DDX25: variants seen among roughly 807,000 people sequenced by gnomAD.
DDX25 encodes the protein ATP-dependent RNA helicase DDX25.
A neutral mutation model predicts 64.6 loss-of-function variants in DDX25; 70 were observed. The ratio of observed to expected loss-of-function variants is 1.08; its 90% CI spans 0.89 to 1.32. The LOEUF (loss-of-function observed/expected upper bound fraction) is 1.32, where lower values mean the gene tolerates loss of function less well. DDX25 is among the 40% of genes most tolerant of loss of function. The probability of loss-of-function intolerance (pLI) is 0.00; values close to 1 mark genes in which losing one functional copy is unlikely to be tolerated. For synonymous variants in DDX25, 211 were observed against 213.3 expected, an observed-to-expected ratio of 0.99 and a Z score of 0.09; for missense variants, 587 against 604.4, an observed-to-expected ratio of 0.97 and a Z score of 0.30.
At position 125,927,577 on chromosome 11, in the gene DDX25, C is replaced by T. The variant is rs1945179070; in HGVS notation, c.*4696C>T. On this transcript the variant is annotated 3_prime_UTR_variant, in exon 12 of 12. Coordinates refer to ENST00000263576, the MANE Select transcript of DDX25 (RefSeq NM_013264.5). ...TAATTTTCATAAATGAGGATGGTCT[C>T]CTATTTTGAGCTTAACATTTTTCTA... 1 of 152,142 alleles carries T rather than the reference C, an allele frequency of 6.6e-6. No individual in the cohort carries two copies. Among genetic ancestry groups the T allele is most frequent in the South Asian group, 2.1e-4 (1 of 4,824 alleles). 9.4% of individuals were successfully genotyped at this position (152,142 alleles called of 1,614,324 possible).
chr11:125,915,700 CTCATGTTTTCT>C (rs1475383602), intron 8 of DDX25, among the ~76,000 whole-genome samples: 1 of 152,212 alleles, frequency 6.6e-6, no homozygotes, highest in Non-Finnish European at 1.5e-5. Flanking sequence ...CAGAGTTTTC[CTCATGTTTTCT>C]AACATATGTC....
chr11:125,903,894 A>C (rs1412702119), upstream of DDX25, among the ~76,000 whole-genome samples: 1 of 152,250 alleles, frequency 6.6e-6, no homozygotes, highest in Non-Finnish European at 1.5e-5. Flanking sequence ...AATGTTTTTA[A>C]CAAGAGACCA....
intron 1 of DDX25, 23 bp downstream of exon 1, chr11:125,904,603 G>T: frequency 6.9e-7 from 1 of 1,450,500 alleles, no homozygotes; most frequent in Non-Finnish European, 9.1e-7. Flanking sequence ...GAGCCGGGGG[G>T]CCACAGCCGC....
At position 125,905,602 on chromosome 11, in the gene DDX25, G is replaced by GT; in HGVS notation, c.175+5_175+6insT. The GT allele has an allele frequency of 6.4e-7, 1 of 1,551,142 alleles. No homozygotes were observed. The highest frequency in any genetic ancestry group is 1.4e-5 in the African/African-American group (1 of 73,152). On this transcript the variant is annotated splice_donor_region_variant and intron_variant, in intron 3 of 11. Coordinates refer to ENST00000263576, the MANE Select transcript of DDX25 (RefSeq NM_013264.5). Reference sequence around the variant, plus strand: ...AAGATGATGAAGAAGATGTAGGTAGGAGATGAATTCATTTGCATGTATCTA... The same window carrying GT: ...AAGATGATGAAGAAGATGTAGGTAGGTAGATGAATTCATTTGCATGTATCTA...
At chr11:125,920,624 TG>T (rs1359831582) in intron 10 of DDX25, among the ~76,000 whole-genome samples, 1 of 152,046 alleles carries the variant, frequency 6.6e-6, no homozygotes, top group Non-Finnish European at 1.5e-5. Flanking sequence ...ATTTGGGCAG[TG>T]GGTTTTGAAC....
At chr11:125,914,096 T>A (rs1945003268) in intron 8 of DDX25, among the ~76,000 whole-genome samples, 1 of 152,214 alleles carries the variant, frequency 6.6e-6, no homozygotes. Flanking sequence ...TATTTAAAAA[T>A]TTTTTCTGTT....
Position 125,916,995 on chromosome 11 carries a change from C to T in DDX25, c.801-19C>T, listed in dbSNP as rs907875162. The T allele has an allele frequency of 4.5e-6, 7 of 1,567,996 alleles. No individual in the cohort carries two copies. Among genetic ancestry groups the T allele is most frequent in the Non-Finnish European group, 5.2e-6 (6 of 1,154,656 alleles). ...GATGGGATGGCAGCTTGGTGACAGC[C>T]TTCTCTCCTCTATCACAGAGCTCTA... On this transcript the variant is annotated intron_variant, in intron 8 of 11. Transcript: ENST00000263576.
chr11:125,914,127 A>G (rs1421324016), intron 8 of DDX25, among the ~76,000 whole-genome samples: 4 of 152,108 alleles, frequency 2.6e-5, no homozygotes, highest in Non-Finnish European at 5.9e-5. Context: ...GAATTATCCA[A>G]GTTTCCTTTT....
rs1944848912 is a variant in DDX25, at chr11:125,904,551, G to A, written c.34G>A (p.Ala12Thr). 1 of 1,498,882 alleles carries A rather than the reference G, an allele frequency of 6.7e-7. No homozygotes were observed. The highest frequency in any genetic ancestry group is 8.9e-7 in the Non-Finnish European group (1 of 1,124,232). The allele number at this position is 1,498,882 out of a possible 1,614,324, so 92.8% of individuals were successfully genotyped here. A position where few individuals can be genotyped will look rare whatever the true frequency, so the allele number is the denominator to read the frequency against. ...ASLLWGGDAG[A>T]AESERLNSHF... is the part of the protein sequence containing the mutation. Reference sequence around the variant, plus strand: ...GTTACTGTGGGGAGGCGACGCAGGGGCGGCGGAGAGCGAGCGGCTGAACAG... The same window carrying A: ...GTTACTGTGGGGAGGCGACGCAGGGACGGCGGAGAGCGAGCGGCTGAACAG... The change falls in exon 1 of 12, where the codon GCG (alanine) becomes ACG (threonine). Residue 12 changes from alanine to threonine, a missense_variant. Coordinates refer to ENST00000263576, the MANE Select transcript of DDX25 (RefSeq NM_013264.5).
At chr11:125,907,607 C>CA (rs35864915) in intron 4 of DDX25, among the ~76,000 whole-genome samples, 25,238 of 145,128 alleles carry the variant, frequency 0.17, 2,537 homozygotes, top group Admixed American at 0.27. Flanking sequence ...GACTCCGTCT[C>CA]AAAAAAAAAA....
At chr11:125,913,368 A>G (rs1267384951) in intron 8 of DDX25, among the ~76,000 whole-genome samples, 1 of 152,096 alleles carries the variant, frequency 6.6e-6, no homozygotes, top group Non-Finnish European at 1.5e-5. Context: ...TGCCTTCCTG[A>G]AAAACAATAT....
chr11:125,904,999 C>T (rs1386122283), intron 1 of DDX25, among the ~76,000 whole-genome samples: 1 of 152,166 alleles, frequency 6.6e-6, no homozygotes, highest in Non-Finnish European at 1.5e-5. Context: ...GAAAGAGAAA[C>T]TGCATGTACA....
At chr11:125,909,670 A>G (rs1434612199) in intron 6 of DDX25, among the ~76,000 whole-genome samples, 2 of 148,434 alleles carry the variant, frequency 1.3e-5, no homozygotes, top group African/African-American at 5.0e-5. Context: ...TTTTTTTGAC[A>G]TGGAGTCTCA....
At chr11:125,918,554 A>C in intron 9 of DDX25, 74 bp from the exon 10 acceptor site, 44 of 1,473,256 alleles carry the variant, frequency 3.0e-5, no homozygotes, top group East Asian at 5.0e-5. Context: ...CCCTGCATGC[A>C]TGGTGTCACA....
Position 125,925,148 on chromosome 11 carries a change from G to A in DDX25, c.*2267G>A, listed in dbSNP as rs1164485916. ...TCTCTTACTATTCGAGAATCGAGTT[G>A]GACCTTCCACCGTGCTCAGCTCCGC... On this transcript the variant is annotated 3_prime_UTR_variant, in exon 12 of 12. Coordinates refer to ENST00000263576, the MANE Select transcript of DDX25 (RefSeq NM_013264.5). The A allele has an allele frequency of 3.9e-6, 1 of 255,040 alleles. No individual in the cohort carries two copies. 15.8% of individuals were successfully genotyped at this position (255,040 alleles called of 1,614,324 possible). A position where few individuals can be genotyped will look rare whatever the true frequency, so the allele number is the denominator to read the frequency against.
chr11:125,916,895 G>T, intron 8 of DDX25, 119 bp from the exon 9 acceptor site: 1 of 942,994 alleles, frequency 1.1e-6, no homozygotes, highest in Non-Finnish European at 1.6e-6. Context: ...GCTGGTCATT[G>T]CAGGCAGCAC....
intron 6 of DDX25, 73 bp from the exon 7 acceptor site, chr11:125,910,291 T>G: frequency 2.3e-6 from 3 of 1,293,858 alleles, no homozygotes; most frequent in Non-Finnish European, 3.3e-6. Context: ...CTGTACAAAT[T>G]TTTATTGCAG....
chr11:125,916,956 G>T, intron 8 of DDX25, 58 bp from the exon 9 acceptor site: 1 of 1,503,384 alleles, frequency 6.7e-7, no homozygotes, highest in Non-Finnish European at 9.1e-7. Context: ...GGCATGAAGT[G>T]CTTGAAGAAG....
chr11:125,922,615 G>GT (rs548985144), intron 11 of DDX25: 4 of 462,860 alleles, frequency 8.6e-6, no homozygotes, highest in Non-Finnish European at 1.5e-5. Flanking sequence ...CTGCCCCAGC[G>GT]TATCTAGATA....
Sources: gnomAD v4.1 joint callset for allele counts (sites outside exome capture counted in the v4.1 genomes callset) on GRCh38, gnomAD v4.1.1 for gene constraint, MANE v1.5 for transcripts, NCBI Gene and HGNC (gene_info 2026-07-23, HGNC 2026-07-21) for gene names.